PTPRT: variants seen among roughly 807,000 people sequenced by gnomAD.
PTPRT encodes the protein receptor-type tyrosine-protein phosphatase T.
Under a neutral mutation model 176.8 loss-of-function variants are expected in PTPRT, and 56 were observed. The observed-to-expected ratio is 0.32, with a 90% CI of 0.26 to 0.40. The LOEUF (loss-of-function observed/expected upper bound fraction) is 0.40, where lower values mean the gene tolerates loss of function less well. Ranked by LOEUF, PTPRT falls within the 10% of genes least tolerant of loss-of-function variation. The pLI is 1.00. For missense variants in PTPRT, 1,540 were observed against 1,908.2 expected (o/e 0.81, Z 3.60); for synonymous variants, 783 against 739.0 (o/e 1.06, Z -0.96).
intron 1 of PTPRT, among the ~76,000 whole-genome samples, chr20:43,066,444 A>G (rs2146261901): frequency 6.6e-6 from 1 of 152,342 alleles, no homozygotes; most frequent in Admixed American, 6.5e-5. Flanking sequence ...TCCCAGTGAT[A>G]AGCATTTCTC....
chr20:42,372,383 A>C (rs962312978), intron 9 of PTPRT, among the ~76,000 whole-genome samples: 1 of 149,124 alleles, frequency 6.7e-6, no homozygotes, highest in South Asian at 2.1e-4. Flanking sequence ...TCCTGGGTTC[A>C]AGCGATTCTC....
chr20:43,188,871 C>A (rs1369391138), intron 1 of PTPRT, among the ~76,000 whole-genome samples: 2 of 151,932 alleles, frequency 1.3e-5, no homozygotes, highest in African/African-American at 4.8e-5. Flanking sequence ...CAGGCACCAC[C>A]CCCCCGCCCC....
At chr20:42,540,822 G>A (rs1045707476) in intron 7 of PTPRT, among the ~76,000 whole-genome samples, 1 of 152,144 alleles carries the variant, frequency 6.6e-6, no homozygotes. Flanking sequence ...AACATTGAAT[G>A]TTGATCTAGC....
chr20:42,577,923 CTGTGTGTGTGTGTG>C (rs777761268), intron 7 of PTPRT, among the ~76,000 whole-genome samples: 45 of 111,324 alleles, frequency 4.0e-4, no homozygotes, highest in East Asian at 1.7e-3. Flanking sequence ...CTGAGCGAGG[CTGTGTGTGTGTGTG>C]TGTGTGTGTG....
intron 2 of PTPRT, among the ~76,000 whole-genome samples, chr20:42,841,834 G>C (rs1275004759): frequency 6.6e-6 from 1 of 152,136 alleles, no homozygotes; most frequent in Non-Finnish European, 1.5e-5. Context: ...ATCTGGAAAA[G>C]GAAAAAAGCT....
intron 7 of PTPRT, among the ~76,000 whole-genome samples, chr20:42,675,159 C>T (rs2075479748): frequency 6.6e-6 from 1 of 152,178 alleles, no homozygotes; most frequent in Non-Finnish European, 1.5e-5. Context: ...CAGTCACTCA[C>T]AGGCTGCAAG....
intron 7 of PTPRT, among the ~76,000 whole-genome samples, chr20:42,487,223 T>C (rs1375629712): frequency 1.3e-5 from 2 of 152,176 alleles, no homozygotes; most frequent in African/African-American, 4.8e-5. Context: ...AGAAGTCTAA[T>C]AGAGAGATCT....
intron 1 of PTPRT, among the ~76,000 whole-genome samples, chr20:43,034,815 C>T (rs991608013): frequency 1.3e-5 from 2 of 152,024 alleles, no homozygotes; most frequent in African/African-American, 2.4e-5. Context: ...TTCAGCACTC[C>T]GGAACCGGGT....
intron 9 of PTPRT, among the ~76,000 whole-genome samples, chr20:42,386,513 A>G (rs906106767): frequency 3.9e-5 from 6 of 152,170 alleles, no homozygotes; most frequent in Non-Finnish European, 8.8e-5. Flanking sequence ...TGGACAAACC[A>G]AAGGGAAGAG....
intron 6 of PTPRT, among the ~76,000 whole-genome samples, chr20:42,732,943 A>T (rs1051386433): frequency 1.3e-5 from 2 of 152,242 alleles, no homozygotes; most frequent in African/African-American, 4.8e-5. Flanking sequence ...TATTGCAGAC[A>T]TACTTTAGCA....
chr20:43,085,577 G>A (rs2011581143), intron 1 of PTPRT, among the ~76,000 whole-genome samples: 1 of 152,166 alleles, frequency 6.6e-6, no homozygotes, highest in South Asian at 2.1e-4. Flanking sequence ...TCACAATCAT[G>A]GCAGAAGGTG....
At chr20:42,279,343 A>T (rs1187560532) in intron 13 of PTPRT, among the ~76,000 whole-genome samples, 1 of 152,128 alleles carries the variant, frequency 6.6e-6, no homozygotes, top group Admixed American at 6.5e-5. Flanking sequence ...GGAGAATGTC[A>T]TGTGATGGTA....
At chr20:42,036,796 T>C in the PTPRT span, among the ~76,000 whole-genome samples, 1 of 152,142 alleles carries the variant, frequency 6.6e-6, no homozygotes, top group Non-Finnish European at 1.5e-5. Flanking sequence ...GTACTCAGCT[T>C]GTGACAAGGA....
chr20:42,325,932 T>C (rs2057875282), intron 11 of PTPRT, among the ~76,000 whole-genome samples: 1 of 152,174 alleles, frequency 6.6e-6, no homozygotes, highest in Non-Finnish European at 1.5e-5. Flanking sequence ...GCTCTCGCTA[T>C]CCCCTTCCTT....
chr20:42,141,219 G>C (rs560812882), intron 18 of PTPRT, among the ~76,000 whole-genome samples: 7 of 152,274 alleles, frequency 4.6e-5, no homozygotes, highest in Admixed American at 4.6e-4. Flanking sequence ...CAGAGCCCCT[G>C]CCCTACTATA....
At chr20:43,045,722 C>CG (rs1319764623) in intron 1 of PTPRT, among the ~76,000 whole-genome samples, 1 of 151,870 alleles carries the variant, frequency 6.6e-6, no homozygotes, top group Admixed American at 6.6e-5. Flanking sequence ...CTCAGCCCCC[C>CG]AATGTGCCAG....
chr20:42,239,525 C>T (rs879449610), intron 14 of PTPRT, among the ~76,000 whole-genome samples: 3 of 151,246 alleles, frequency 2.0e-5, no homozygotes, highest in Non-Finnish European at 2.9e-5. Context: ...CGGGTCCACG[C>T]CATTCTCCTG....
intron 4 of PTPRT, among the ~76,000 whole-genome samples, chr20:42,779,558 G>A (rs922309861): frequency 1.9e-4 from 29 of 152,148 alleles, no homozygotes; most frequent in Non-Finnish European, 3.8e-4. Context: ...CCTGTACCCA[G>A]GACTTATGGC....
chr20:42,084,796 G>A lies in PTPRT; in HGVS notation c.4022C>T (p.Pro1341Leu), dbSNP rs1164811346. 2.6e-6 allele frequency: 4 copies of A among 1,549,186 alleles called. No homozygotes were observed. Among genetic ancestry groups the A allele is most frequent in the Non-Finnish European group, 3.5e-6 (4 of 1,142,766 alleles). ...IVQHLQYIGW[P>L]AYRDTPPSKR... ...GGAGGGGGGCGTGTCCCGGTAGGCA[G>A]GCCAGCCAATGTACTGGAGGTGCTG... Residue 1341 changes from proline to leucine, a missense_variant, in exon 29 of 31, where the codon CCT becomes CTT. Around this residue, in one of 11 missense-constraint regions of PTPRT, gnomAD observed 342 missense variants for 394.0 expected, o/e 0.87. Transcript: ENST00000373187.
Sources: gnomAD v4.1 joint callset for allele counts (sites outside exome capture counted in the v4.1 genomes callset) on GRCh38, gnomAD v4.1.1 for gene constraint, gnomAD v4.1.1 regional missense constraint, MANE v1.5 for transcripts, NCBI Gene and HGNC (gene_info 2026-07-23, HGNC 2026-07-21) for gene names.